The following DIAPH3 variants were observed in gnomAD, a reference collection of about 807,000 sequenced individuals.
The protein encoded by DIAPH3 is diaphanous related formin 3.
DIAPH3 carries 117 observed loss-of-function variants against 144.3 expected under a neutral mutation model. The observed-to-expected ratio is 0.81, with a 90% CI of 0.70 to 0.95. The LOEUF (loss-of-function observed/expected upper bound fraction) is 0.95, where lower values mean the gene tolerates loss of function less well. Ranked by LOEUF, DIAPH3 falls within the 40% of genes least tolerant of loss-of-function variation. The probability of loss-of-function intolerance (pLI) is 0.00; values close to 1 mark genes in which losing one functional copy is unlikely to be tolerated. For synonymous variants in DIAPH3, 519 were observed against 488.9 expected, an observed-to-expected ratio of 1.06 and a Z score of -0.81; for missense variants, 1,421 against 1,412.7, an observed-to-expected ratio of 1.01 and a Z score of -0.09.
intron 18 of DIAPH3, among the ~76,000 whole-genome samples, chr13:59,919,952 T>C (rs1229521267): frequency 6.6e-6 from 1 of 152,018 alleles, no homozygotes; most frequent in African/African-American, 2.4e-5. Context: ...TTATTTTTTA[T>C]AAGTGATCAA....
intron 5 of DIAPH3, among the ~76,000 whole-genome samples, chr13:60,041,588 C>T (rs1023816623): frequency 6.6e-6 from 1 of 152,104 alleles, no homozygotes; most frequent in Non-Finnish European, 1.5e-5. Context: ...ATCCTAGCCA[C>T]AGAAATGTCC....
At chr13:59,964,662 T>C (rs1451851697) in intron 17 of DIAPH3, among the ~76,000 whole-genome samples, 1 of 152,038 alleles carries the variant, frequency 6.6e-6, no homozygotes, top group African/African-American at 2.4e-5. Flanking sequence ...CAAAATAAAT[T>C]TCCATTTCTT....
At chr13:60,059,708 A>G (rs147370702) in intron 4 of DIAPH3, among the ~76,000 whole-genome samples, 294 of 152,142 alleles carry the variant, frequency 1.9e-3, no homozygotes, top group Non-Finnish European at 3.7e-3. Flanking sequence ...GGGGGAGCTG[A>G]TTAAACAAAC....
chr13:59,997,151 T>A (rs1004592746), intron 9 of DIAPH3, among the ~76,000 whole-genome samples: 3 of 152,026 alleles, frequency 2.0e-5, no homozygotes, highest in African/African-American at 7.2e-5. Flanking sequence ...ATTAAACTTA[T>A]CCCTTCTACC....
At chr13:60,056,493 A>G (rs1056341509) in intron 4 of DIAPH3, among the ~76,000 whole-genome samples, 5 of 151,734 alleles carry the variant, frequency 3.3e-5, no homozygotes, top group African/African-American at 1.2e-4. Flanking sequence ...GTACTTGTGT[A>G]TTTTTATTTT....
chr13:60,030,211 A>G (rs1043545877), intron 5 of DIAPH3, among the ~76,000 whole-genome samples: 7 of 152,080 alleles, frequency 4.6e-5, no homozygotes, highest in Admixed American at 4.6e-4. Context: ...TCTCTCTCCT[A>G]TATGCTTCTC....
At chr13:59,839,758 C>A (rs2042239240) in intron 22 of DIAPH3, among the ~76,000 whole-genome samples, 1 of 152,078 alleles carries the variant, frequency 6.6e-6, no homozygotes, top group Non-Finnish European at 1.5e-5. Flanking sequence ...TCAGTCTATT[C>A]AGAGACAAAA....
chr13:60,034,786 A>G (rs2055080694), intron 5 of DIAPH3: 1 of 152,088 alleles, frequency 6.6e-6, no homozygotes, highest in African/African-American at 2.4e-5. Flanking sequence ...TTTTAGTTAC[A>G]TTTTCTCCCC....
chr13:60,082,160 T>TA (rs1218934851), intron 4 of DIAPH3, among the ~76,000 whole-genome samples: 4 of 147,544 alleles, frequency 2.7e-5, no homozygotes, highest in African/African-American at 1.0e-4. Context: ...AAAATAGAAA[T>TA]AAAAAAATCA....
intron 27 of DIAPH3, among the ~76,000 whole-genome samples, chr13:59,757,861 T>C (rs747756508): frequency 2.1e-4 from 32 of 152,172 alleles, no homozygotes; most frequent in Non-Finnish European, 2.9e-4. Context: ...TGAAAAATGA[T>C]GGTGAGCTAA....
chr13:59,963,588 C>T (rs1251020912), intron 17 of DIAPH3, among the ~76,000 whole-genome samples: 1 of 150,316 alleles, frequency 6.7e-6, no homozygotes, highest in Non-Finnish European at 1.5e-5. Context: ...ACCATTCTAA[C>T]TCTAGGTGAT....
chr13:60,077,223 CAG>C (rs1008853419), intron 4 of DIAPH3, among the ~76,000 whole-genome samples: 7 of 151,468 alleles, frequency 4.6e-5, no homozygotes, highest in Admixed American at 6.6e-5. Flanking sequence ...TCAAAAATGA[CAG>C]GGGGAAATGC....
chr13:59,932,801 A>G (rs2140338840), intron 17 of DIAPH3, among the ~76,000 whole-genome samples: 1 of 152,350 alleles, frequency 6.6e-6, no homozygotes, highest in East Asian at 1.9e-4. Flanking sequence ...AAGGGATACA[A>G]AGAAGCAGAA....
chr13:59,856,189 T>C (rs1170154937), intron 22 of DIAPH3, among the ~76,000 whole-genome samples: 2 of 152,178 alleles, frequency 1.3e-5, no homozygotes, highest in Non-Finnish European at 2.9e-5. Flanking sequence ...ATTTCTAAAT[T>C]GATTACTAGT....
At chr13:59,896,140 T>C (rs2046079828) in intron 20 of DIAPH3, among the ~76,000 whole-genome samples, 2 of 152,234 alleles carry the variant, frequency 1.3e-5, no homozygotes, top group African/African-American at 4.8e-5. Context: ...CTCTTTTGCT[T>C]ATGGCATGTG....
chr13:59,891,616 C>T (rs774699455), intron 20 of DIAPH3, among the ~76,000 whole-genome samples: 2 of 151,882 alleles, frequency 1.3e-5, no homozygotes, highest in Non-Finnish European at 2.9e-5. Context: ...AATTCAAGTT[C>T]CTGCTTAAAT....
chr13:60,106,345 A>C (rs571861525), intron 3 of DIAPH3, among the ~76,000 whole-genome samples: 2 of 152,312 alleles, frequency 1.3e-5, no homozygotes, highest in East Asian at 3.9e-4. Context: ...GAACTATTCA[A>C]ATAAATGCTG....
chr13:59,762,030 C>T (rs987445255), intron 27 of DIAPH3, among the ~76,000 whole-genome samples: 3 of 147,608 alleles, frequency 2.0e-5, no homozygotes, highest in Admixed American at 1.4e-4. Context: ...GAACAGAGCA[C>T]CCAAGATGAA....
chr13:60,034,363 A>AT (rs2055040046), intron 5 of DIAPH3: 1 of 152,078 alleles, frequency 6.6e-6, no homozygotes, highest in Non-Finnish European at 1.5e-5. Context: ...TTTTTTCCAA[A>AT]TTGTTTTGGT....
Sources: gnomAD v4.1 joint callset for allele counts (sites outside exome capture counted in the v4.1 genomes callset) on GRCh38, gnomAD v4.1.1 for gene constraint, MANE v1.5 for transcripts, NCBI Gene and HGNC (gene_info 2026-07-23, HGNC 2026-07-21) for gene names.